The following COX15 variants were observed in gnomAD, a reference collection of about 807,000 sequenced individuals.
COX15 encodes cytochrome c oxidase assembly factor COX15.
In COX15, 51 loss-of-function variants were observed where a neutral mutation model predicts 51.9. That is an observed-to-expected ratio of 0.98 (90% CI 0.78 to 1.24). The LOEUF (loss-of-function observed/expected upper bound fraction) is 1.24. Ranked by LOEUF, COX15 falls within the 50% of genes most tolerant of loss-of-function variation. The pLI is 0.00. For synonymous variants in COX15, 188 were observed against 190.5 expected (o/e 0.99, Z 0.11); for missense variants, 420 against 501.1 (o/e 0.84, Z 1.55).
chr10:99,720,795 T>C lies in COX15; in HGVS notation c.832+192A>G, dbSNP rs561508288. Among the ~76,000 whole-genome samples the C allele has an allele frequency of 2.6e-5, 4 of 152,240 alleles. No individual in the cohort carries two copies. In the East Asian group the frequency reaches 5.8e-4, roughly 22 times the overall value. On this transcript the variant is annotated intron_variant, in intron 6 of 8. Transcript: ENST00000016171. ...GATCTAGGTAGATGTTCAATATTTT[T>C]GTTCAATTGACAGTAAAGTAGAATT...
intron 8 of COX15, among the ~76,000 whole-genome samples, chr10:99,715,370 C>T (rs1335982577): frequency 6.6e-6 from 1 of 152,156 alleles, no homozygotes; most frequent in Non-Finnish European, 1.5e-5. Flanking sequence ...AACTCCTGAC[C>T]TCAGGTAATC....
At position 99,727,000 on chromosome 10, in the gene COX15, C is replaced by G; in HGVS notation, c.550G>C (p.Val184Leu). The G allele has an allele frequency of 6.2e-7, 1 of 1,613,376 alleles. No individual in the cohort carries two copies. The highest frequency in any genetic ancestry group is 1.7e-4 in the Middle Eastern group (1 of 6,040). Residue 184 changes from valine (V) to leucine (L), a missense_variant, in exon 4 of 9, where the codon GTT becomes CTT. Coordinates refer to ENST00000016171, the MANE Select transcript of COX15 (RefSeq NM_078470.6). ...GWLSRGMKGR[V>L]LALCGLVCFQ... ...CAGACGAGGCCACAGAGGGCAAGAA[C>G]ACGTCCTTTCATGCCACGGCTGAGC...
the COX15 span, among the ~76,000 whole-genome samples, chr10:99,703,665 G>T: frequency 1.3e-5 from 2 of 152,114 alleles, no homozygotes; most frequent in African/African-American, 4.8e-5. Flanking sequence ...AGTTGATCAG[G>T]TAACAGCTTT....
chr10:99,730,881 C>T (rs1221996122), intron 1 of COX15, among the ~76,000 whole-genome samples: 2 of 152,012 alleles, frequency 1.3e-5, no homozygotes, highest in Admixed American at 6.6e-5. Flanking sequence ...GGCAATGTAG[C>T]GAGACCCCCT....
Position 99,722,145 on chromosome 10 carries a change from T to C in COX15, c.751-1077A>G, listed in dbSNP as rs374553425. 1.1e-4 allele frequency among the ~76,000 whole-genome samples: 16 copies of C among 152,236 alleles called. No homozygotes were observed. In the East Asian group the frequency reaches 1.7e-3, roughly 17 times the overall value. On this transcript the variant is annotated intron_variant, in intron 5 of 8. Coordinates refer to ENST00000016171, the MANE Select transcript of COX15 (RefSeq NM_078470.6). ...CCTCCCAAAGTGCTGGGATTACAGG[T>C]GTGAGCCACCGTGCCCAGCCTTAAT...
rs754445511 is a variant in COX15 at position 99,718,517 on chromosome 10, ATGGTAT to A, written c.833-23_833-18del. On this transcript the variant is annotated intron_variant, in intron 6 of 8. Transcript: ENST00000016171. The stretch of plus-strand genomic sequence containing the variant: ...CAAAAGCCCCTGTATTCCAAGGTAA[ATGGTAT>A]TTATTAAAATGAGAGGAAGAAGAGA... 6.2e-7 allele frequency: 1 copy of A among 1,613,964 alleles called. No homozygotes were observed. Among genetic ancestry groups the A allele is most frequent in the Non-Finnish European group, 8.5e-7 (1 of 1,179,830 alleles).
At chr10:99,700,657 G>A in the COX15 span, among the ~76,000 whole-genome samples, 10 of 152,198 alleles carry the variant, frequency 6.6e-5, no homozygotes, top group Non-Finnish European at 1.3e-4. Flanking sequence ...TGCTCTCCCT[G>A]CTCATGTCAG....
chr10:99,698,794 G>T, the COX15 span: 2 of 1,614,040 alleles, frequency 1.2e-6, no homozygotes, highest in Non-Finnish European at 1.7e-6. Context: ...TTTTTTTATT[G>T]TACAGAGGAT....
chr10:99,695,229 A>T, the COX15 span, among the ~76,000 whole-genome samples: 1 of 152,176 alleles, frequency 6.6e-6, no homozygotes, highest in African/African-American at 2.4e-5. Flanking sequence ...GGATAATGTT[A>T]GAAAAGGCCA....
chr10:99,712,424 T>C lies in COX15; in HGVS notation c.*2163A>G. 1.0e-6 allele frequency: 1 copy of C among 985,334 alleles called. No homozygotes were observed. 61.0% of individuals were successfully genotyped at this position (985,334 alleles called of 1,614,324 possible). ...GCTTTCACAGAAAAATCTAGATATG[T>C]GGCTTATTTTTAAAAAACAGAAGAT... On this transcript the variant is annotated 3_prime_UTR_variant, in exon 9 of 9. Transcript: ENST00000016171.
intron 7 of COX15, 65 bp downstream of exon 7, chr10:99,718,281 C>T: frequency 6.3e-7 from 1 of 1,584,110 alleles, no homozygotes; most frequent in Non-Finnish European, 8.7e-7. Context: ...CAGTGCTTCA[C>T]TGACACCCCA....
In COX15 at chr10:99,721,009, C is replaced by G; in HGVS notation, c.810G>C (p.Leu270=). ...LRRFAHGTAG[L]VFLTALSGAF... is the part of the protein sequence containing the mutation. ...TACCTGAGAGGGCCGTAAGGAACAC[C>G]AGACCTGCTGTTCCATGAGCAAATC... Residue 270 remains leucine, a synonymous_variant, in exon 6 of 9, where the codon CTG becomes CTC. Transcript: ENST00000016171. 6.2e-7 allele frequency: 1 copy of G among 1,613,788 alleles called. No individual in the cohort carries two copies. The highest frequency in any genetic ancestry group is 8.5e-7 in the Non-Finnish European group (1 of 1,179,910).
Position 99,732,003 on chromosome 10 carries a change from T to C in COX15, c.47A>G (p.Gln16Arg), listed in dbSNP as rs766993411. Residue 16 changes from glutamine to arginine, a missense_variant, in exon 1 of 9, where the codon CAG (glutamine) becomes CGG (arginine). Transcript: ENST00000016171. ...FPPLRALKGRQYLPLLAPRAA... is the reference protein window; with the variant it reads ...FPPLRALKGRRYLPLLAPRAA... ...CCTAGGAGCCAGGAGCGGCAGATAC[T>C]GCCTCCCCTTCAAGGCCCTCAACGG... The C allele has an allele frequency of 2.5e-6, 4 of 1,613,124 alleles. No individual in the cohort carries two copies. The highest frequency in any genetic ancestry group is 2.2e-5 in the East Asian group (1 of 44,872).
chr10:99,704,857 G>A, the COX15 span: 2 of 636,816 alleles, frequency 3.1e-6, no homozygotes, highest in Non-Finnish European at 5.4e-6. Flanking sequence ...TCTTCTCTGA[G>A]AGAAGCTATA....
At chr10:99,694,646 C>T in the COX15 span, among the ~76,000 whole-genome samples, 1 of 151,164 alleles carries the variant, frequency 6.6e-6, no homozygotes, top group East Asian at 1.9e-4. Context: ...AAGCGATTCT[C>T]CTGCCTCAGC....
chr10:99,705,550 A>G, the COX15 span: 16 of 152,226 alleles, frequency 1.1e-4, no homozygotes, highest in Non-Finnish European at 1.9e-4. Context: ...GTGAGCCCTT[A>G]CACAGGAAGA....
At chr10:99,700,542 C>T in the COX15 span, among the ~76,000 whole-genome samples, 1 of 152,176 alleles carries the variant, frequency 6.6e-6, no homozygotes, top group East Asian at 1.9e-4. Context: ...TCTAGAACAG[C>T]ACCTGGCACA....
rs1025861985 is a variant in COX15, at chr10:99,727,769, T to C, written c.273-206A>G. 2.6e-5 allele frequency among the ~76,000 whole-genome samples: 4 copies of C among 152,278 alleles called. No homozygotes were observed. In the East Asian group the frequency reaches 7.7e-4, roughly 29 times the overall value. On this transcript the variant is annotated intron_variant, in intron 2 of 8. Coordinates refer to ENST00000016171, the MANE Select transcript of COX15 (RefSeq NM_078470.6). ...GGTACAAATTTATTTACCCTTATAT[T>C]CTCTCAATCCTTTTATTCAACTCTC...
chr10:99,715,180 C>A (rs569310502), intron 8 of COX15, among the ~76,000 whole-genome samples: 1 of 152,212 alleles, frequency 6.6e-6, no homozygotes, highest in East Asian at 1.9e-4. Context: ...CTCTGTCTGC[C>A]AGGCTGGAGT....
Sources: allele counts gnomAD v4.1 joint callset (sites outside exome capture counted in the v4.1 genomes callset), GRCh38; gene constraint gnomAD v4.1.1; transcripts MANE v1.5; gene names NCBI Gene and HGNC (gene_info 2026-07-23, HGNC 2026-07-21).